Variants in ROBO1 observed in about 807,000 individuals in gnomAD.
ROBO1 encodes roundabout guidance receptor 1, also known as roundabout homolog 1.
Under a neutral mutation model 195.9 loss-of-function variants are expected in ROBO1, and 149 were observed. The observed-to-expected ratio is 0.76, with a 90% CI of 0.67 to 0.87. The LOEUF is 0.87. Ranked by LOEUF, ROBO1 falls within the 40% of genes least tolerant of loss-of-function variation. The pLI, the probability that ROBO1 is intolerant of heterozygous loss-of-function variation, is 0.00. For missense variants in ROBO1, 1,933 were observed against 2,068.3 expected (o/e 0.93, Z 1.27); for synonymous variants, 816 against 733.2 (o/e 1.11, Z -1.82).
intron 2 of ROBO1, among the ~76,000 whole-genome samples, chr3:79,425,586 A>G (rs111259810): frequency 3.3e-5 from 5 of 152,124 alleles, no homozygotes; most frequent in Non-Finnish European, 7.4e-5. Context: ...AAAAAACCCA[A>G]GGCAAATGTC....
chr3:79,277,267 C>T (rs73112712), intron 2 of ROBO1, among the ~76,000 whole-genome samples: 14,300 of 152,054 alleles, frequency 0.094, 756 homozygotes, highest in East Asian at 0.13. Flanking sequence ...TACATATACA[C>T]AATAGAGTAC....
intron 4 of ROBO1, among the ~76,000 whole-genome samples, chr3:78,929,876 A>C (rs2039416542): frequency 1.3e-5 from 2 of 152,212 alleles, no homozygotes; most frequent in Non-Finnish European, 2.9e-5. Flanking sequence ...CATTAGGGTA[A>C]GAAACACAGG....
intron 4 of ROBO1, among the ~76,000 whole-genome samples, chr3:78,920,219 C>G (rs988000665): frequency 6.6e-5 from 10 of 152,168 alleles, no homozygotes; most frequent in Non-Finnish European, 1.2e-4. Flanking sequence ...CTACATTTCA[C>G]TTTCATGATT....
At chr3:79,238,686 T>A (rs985644936) in intron 2 of ROBO1, among the ~76,000 whole-genome samples, 1 of 152,242 alleles carries the variant, frequency 6.6e-6, no homozygotes, top group South Asian at 2.1e-4. Context: ...GATGATGCTA[T>A]AGTGATGGCC....
Position 78,938,703 on chromosome 3 carries a change from CTA to C in ROBO1, c.395_396del (p.Ile132SerfsTer7). On this transcript the variant is annotated frameshift_variant, in exon 4 of 31. Coordinates refer to ENST00000464233, the MANE Select transcript of ROBO1 (RefSeq NM_002941.4). LOFTEE classifies it high-confidence loss of function. ...TCAGGTCTACTTTTCCGTCCATGTA[CTA>C]TACGTAAGAAAAATAAAGATCCACT... ...LPSGSLFFLR[I>X]VHGRKSRPDE... 1 of 1,613,982 alleles carries C rather than the reference CTA, an allele frequency of 6.2e-7. No homozygotes were observed. The highest frequency in any genetic ancestry group is 8.5e-7 in the Non-Finnish European group (1 of 1,179,896).
intron 1 of ROBO1, among the ~76,000 whole-genome samples, chr3:79,641,370 T>C (rs1014018969): frequency 1.3e-5 from 2 of 152,138 alleles, no homozygotes; most frequent in Middle Eastern, 3.4e-3. Context: ...AATAATCAAA[T>C]ATATAGACTT....
intron 3 of ROBO1, among the ~76,000 whole-genome samples, chr3:79,036,538 C>T (rs1444945582): frequency 6.6e-6 from 1 of 152,034 alleles, no homozygotes; most frequent in African/African-American, 2.4e-5. Flanking sequence ...TGGTCTTACA[C>T]AAATTTATTA....
chr3:79,190,286 T>C (rs989427090), intron 2 of ROBO1, among the ~76,000 whole-genome samples: 1 of 151,694 alleles, frequency 6.6e-6, no homozygotes, highest in African/African-American at 2.4e-5. Flanking sequence ...CTTTCTGTGT[T>C]GGCAAAAATA....
At chr3:79,028,414 C>A (rs1348644841) in intron 3 of ROBO1, among the ~76,000 whole-genome samples, 1 of 151,704 alleles carries the variant, frequency 6.6e-6, no homozygotes, top group African/African-American at 2.4e-5. Flanking sequence ...TTAACACTAT[C>A]ATTAAAAGAG....
chr3:79,685,305 T>C (rs1420372277), intron 1 of ROBO1, among the ~76,000 whole-genome samples: 1 of 152,176 alleles, frequency 6.6e-6, no homozygotes, highest in African/African-American at 2.4e-5. Context: ...TGAAAGCTTA[T>C]GTAACTCTCA....
intron 2 of ROBO1, among the ~76,000 whole-genome samples, chr3:79,227,809 ATAAT>A (rs1047905830): frequency 2.0e-4 from 30 of 152,310 alleles, no homozygotes; most frequent in African/African-American, 6.3e-4. Flanking sequence ...GTTTTAAATA[ATAAT>A]TAATTAATCT....
chr3:78,754,478 T>C (rs145083538), intron 4 of ROBO1, among the ~76,000 whole-genome samples: 1 of 152,326 alleles, frequency 6.6e-6, no homozygotes, highest in East Asian at 1.9e-4. Context: ...CAAAGAAATA[T>C]GCTTCTGTAT....
At chr3:79,447,965 T>C (rs1379452012) in intron 2 of ROBO1, among the ~76,000 whole-genome samples, 1 of 152,196 alleles carries the variant, frequency 6.6e-6, no homozygotes, top group African/African-American at 2.4e-5. Flanking sequence ...TACCTACTAT[T>C]GTTGATACTA....
At chr3:78,812,569 T>C (rs2084775162) in intron 4 of ROBO1, among the ~76,000 whole-genome samples, 1 of 152,126 alleles carries the variant, frequency 6.6e-6, no homozygotes, top group African/African-American at 2.4e-5. Flanking sequence ...TGGAATTCCT[T>C]ATCCCCTCTT....
chr3:79,045,810 C>A (rs1374405665), intron 3 of ROBO1, among the ~76,000 whole-genome samples: 1 of 152,074 alleles, frequency 6.6e-6, no homozygotes, highest in South Asian at 2.1e-4. Flanking sequence ...AATTCTTAGT[C>A]AATATGGCAG....
chr3:78,757,932 C>T (rs1399926497), intron 4 of ROBO1, among the ~76,000 whole-genome samples: 1 of 152,132 alleles, frequency 6.6e-6, no homozygotes, highest in East Asian at 1.9e-4. Context: ...TCTTTGGCTT[C>T]AAAATAATAA....
intron 2 of ROBO1, among the ~76,000 whole-genome samples, chr3:79,520,344 A>G (rs1005899881): frequency 2.0e-5 from 3 of 152,112 alleles, no homozygotes; most frequent in African/African-American, 4.8e-5. Flanking sequence ...AGAAATTAAG[A>G]GTAGTTCAAT....
intron 2 of ROBO1, among the ~76,000 whole-genome samples, chr3:79,251,482 G>A (rs968481944): frequency 2.3e-4 from 35 of 152,122 alleles, no homozygotes; most frequent in African/African-American, 8.0e-4. Context: ...GCTGGGCGCT[G>A]TGGCTCATGC....
chr3:79,720,187 G>A (rs532922823), intron 1 of ROBO1, among the ~76,000 whole-genome samples: 1 of 152,292 alleles, frequency 6.6e-6, no homozygotes, highest in African/African-American at 2.4e-5. Context: ...CTTAGCTGGA[G>A]GAAATGATAA....
Sources: allele counts gnomAD v4.1 joint callset (sites outside exome capture counted in the v4.1 genomes callset), GRCh38; gene constraint gnomAD v4.1.1; transcripts MANE v1.5; gene names NCBI Gene and HGNC (gene_info 2026-07-23, HGNC 2026-07-21).